KLHL29: variants seen among roughly 807,000 people sequenced by gnomAD.
KLHL29 encodes the protein kelch like family member 29, also known as kelch-like protein 29.
Under a neutral mutation model 80.4 loss-of-function variants are expected in KLHL29, and 21 were observed. The ratio of observed to expected loss-of-function variants is 0.26; its 90% confidence interval spans 0.19 to 0.38. The LOEUF (loss-of-function observed/expected upper bound fraction) is 0.38, where lower values mean the gene tolerates loss of function less well. Ranked by LOEUF, KLHL29 falls within the 10% of genes least tolerant of loss-of-function variation. The pLI is 1.00. For synonymous variants in KLHL29, 511 were observed against 526.8 expected, an observed-to-expected ratio of 0.97 and a Z score of 0.41; for missense variants, 867 against 1,223.9, an observed-to-expected ratio of 0.71 and a Z score of 4.35.
chr2:23,664,038 T>C (rs973141203), intron 5 of KLHL29, among the ~76,000 whole-genome samples: 3 of 152,238 alleles, frequency 2.0e-5, no homozygotes, highest in African/African-American at 4.8e-5. Context: ...TACAGAAATA[T>C]AACATCAATA....
At chr2:23,511,725 A>T (rs1424065756) in intron 2 of KLHL29, among the ~76,000 whole-genome samples, 1 of 152,192 alleles carries the variant, frequency 6.6e-6, no homozygotes, top group Non-Finnish European at 1.5e-5. Flanking sequence ...TGCCTGACAC[A>T]TCGTCACTTA....
chr2:23,552,543 G>C (rs1043335796), intron 2 of KLHL29, among the ~76,000 whole-genome samples: 2 of 152,118 alleles, frequency 1.3e-5, no homozygotes, highest in African/African-American at 4.8e-5. Context: ...TGCTGAGGAA[G>C]ATTCAGCTCT....
intron 5 of KLHL29, among the ~76,000 whole-genome samples, chr2:23,649,817 G>A (rs1440099192): frequency 6.6e-6 from 1 of 152,208 alleles, no homozygotes; most frequent in African/African-American, 2.4e-5. Flanking sequence ...CAGGAAGCCA[G>A]CTGCCCTGAT....
intron 5 of KLHL29, among the ~76,000 whole-genome samples, chr2:23,650,215 G>A (rs959773022): frequency 6.6e-6 from 1 of 152,238 alleles, no homozygotes; most frequent in Non-Finnish European, 1.5e-5. Context: ...GGAGAAAAGA[G>A]GGGTCAGGTT....
At chr2:23,608,529 G>A (rs1351395196) in intron 3 of KLHL29, among the ~76,000 whole-genome samples, 2 of 151,902 alleles carry the variant, frequency 1.3e-5, no homozygotes, top group Non-Finnish European at 2.9e-5. Context: ...TTTATTCAAA[G>A]TTAGAGCTAT....
At chr2:23,535,851 G>A (rs1295960372) in intron 2 of KLHL29, among the ~76,000 whole-genome samples, 2 of 152,192 alleles carry the variant, frequency 1.3e-5, no homozygotes, top group African/African-American at 2.4e-5. Flanking sequence ...ACACAACATT[G>A]AGAATGTACT....
rs540917779 is a variant in KLHL29, at chr2:23,410,735, C to T, written c.-154+24955C>T. Among the ~76,000 whole-genome samples, 5 of 152,138 alleles carry T rather than the reference C, an allele frequency of 3.3e-5. No individual in the cohort carries two copies. In the South Asian group the frequency reaches 1.0e-3, roughly 32 times the overall value. On this transcript the variant is annotated intron_variant, in intron 1 of 13. Transcript: ENST00000486442. ...AGTACTTCCCAGGTGTGGAGGAGGG[C>T]ATTGCATTTCCTGTGTATCCTCCAC...
At chr2:23,685,056 A>G (rs1671201832) in intron 6 of KLHL29, among the ~76,000 whole-genome samples, 1 of 152,086 alleles carries the variant, frequency 6.6e-6, no homozygotes, top group African/African-American at 2.4e-5. Flanking sequence ...AGTAGGGGAG[A>G]AGAGACTTGT....
intron 3 of KLHL29, among the ~76,000 whole-genome samples, chr2:23,591,165 A>G (rs545696825): frequency 1.3e-5 from 2 of 152,304 alleles, no homozygotes; most frequent in South Asian, 2.1e-4. Flanking sequence ...CCATGTGGGT[A>G]TCTGGACAAG....
intron 2 of KLHL29, among the ~76,000 whole-genome samples, chr2:23,502,788 C>T (rs1399355391): frequency 6.6e-6 from 1 of 152,138 alleles, no homozygotes; most frequent in African/African-American, 2.4e-5. Flanking sequence ...TTCCCAACCG[C>T]ACCCTGCATC....
In KLHL29 at chr2:23,681,363, T is replaced by C. The variant is rs181430167; in HGVS notation, c.941-3036T>C. Among the ~76,000 whole-genome samples the C allele has an allele frequency of 7.2e-3, 1,101 of 152,294 alleles. 18 individuals carry two copies. Among genetic ancestry groups the C allele is most frequent in the African/African-American group, 0.025 (1,038 of 41,560 alleles). On this transcript the variant is annotated intron_variant, in intron 5 of 13. Transcript: ENST00000486442. The surrounding 1 kb of genome is among the most constrained non-coding windows in gnomAD (Gnocchi z 4.2). The stretch of plus-strand genomic sequence containing the variant: ...ACATTAGGATGGGGACACCTGAACC[T>C]CCAAGCGCCTTCCAGGTCTAGCTCC...
chr2:23,654,348 G>A (rs906336055), intron 5 of KLHL29, among the ~76,000 whole-genome samples: 2 of 152,130 alleles, frequency 1.3e-5, no homozygotes, highest in Non-Finnish European at 2.9e-5. Context: ...TGTTGCTGCA[G>A]ACCTCACACG....
intron 5 of KLHL29, among the ~76,000 whole-genome samples, chr2:23,683,731 TGA>T (rs1290084813): frequency 6.6e-6 from 1 of 152,224 alleles, no homozygotes; most frequent in Non-Finnish European, 1.5e-5. Flanking sequence ...GTGGGTGTCC[TGA>T]GAGACTCAAC....
At chr2:23,447,771 G>A (rs984695248) in intron 1 of KLHL29, among the ~76,000 whole-genome samples, 12 of 152,168 alleles carry the variant, frequency 7.9e-5, no homozygotes, top group Admixed American at 7.9e-4. Flanking sequence ...ACTGACATGA[G>A]GCCATTTATA....
chr2:23,584,018 G>A (rs1422461675), intron 3 of KLHL29, among the ~76,000 whole-genome samples: 1 of 152,176 alleles, frequency 6.6e-6, no homozygotes, highest in Non-Finnish European at 1.5e-5. Flanking sequence ...TTCCAGGAAG[G>A]AACTGGTTCC....
intron 5 of KLHL29, chr2:23,643,979 T>C (rs993459441): frequency 2.0e-5 from 3 of 151,758 alleles, no homozygotes; most frequent in Admixed American, 6.6e-5. Context: ...GGAACCCCAC[T>C]AGCCACTCTC....
chr2:23,648,073 A>C (rs2149162115), intron 5 of KLHL29, among the ~76,000 whole-genome samples: 1 of 152,134 alleles, frequency 6.6e-6, no homozygotes, highest in South Asian at 2.1e-4. Flanking sequence ...ACGGGGATGG[A>C]AAGTGCCCTT....
intron 2 of KLHL29, among the ~76,000 whole-genome samples, chr2:23,545,761 G>A (rs753949979): frequency 5.3e-5 from 8 of 152,278 alleles, no homozygotes; most frequent in South Asian, 2.1e-4. Context: ...CTTCTCGGGC[G>A]TGAAAAATAC....
At chr2:23,535,304 G>C (rs1560590) in intron 2 of KLHL29, among the ~76,000 whole-genome samples, 128,534 of 152,256 alleles carry the variant, frequency 0.84, 54,806 homozygotes, top group East Asian at 1. Context: ...CAGGTGCCTC[G>C]CCACCCTCTC....
Sources: allele counts gnomAD v4.1 joint callset (sites outside exome capture counted in the v4.1 genomes callset), GRCh38; gene constraint gnomAD v4.1.1; non-coding constraint Gnocchi (gnomAD v3.1); transcripts MANE v1.5; gene names NCBI Gene and HGNC (gene_info 2026-07-23, HGNC 2026-07-21).